The following CLPX variants were observed in gnomAD, a reference collection of about 807,000 sequenced individuals.
CLPX encodes the protein ATP-dependent clpX-like chaperone, mitochondrial.
A neutral mutation model predicts 76.4 loss-of-function variants in CLPX; 34 were observed. The observed-to-expected ratio is 0.45, with a 90% CI of 0.34 to 0.59. The LOEUF is 0.59. Ranked by LOEUF, CLPX falls within the 20% of genes least tolerant of loss-of-function variation. The pLI, the probability that CLPX is intolerant of heterozygous loss-of-function variation, is 0.01. For missense variants in CLPX, 613 were observed against 757.0 expected (o/e 0.81, Z 2.23); for synonymous variants, 248 against 270.9 (o/e 0.92, Z 0.83).
At chr15:65,171,637 T>C (rs921512973) in intron 3 of CLPX, among the ~76,000 whole-genome samples, 2 of 152,228 alleles carry the variant, frequency 1.3e-5, no homozygotes, top group African/African-American at 2.4e-5. Flanking sequence ...AGATAGTTAC[T>C]GCCTTTATAA....
At chr15:65,183,247 G>C (rs187689086) in intron 1 of CLPX, among the ~76,000 whole-genome samples, 1 of 151,844 alleles carries the variant, frequency 6.6e-6, no homozygotes, top group Non-Finnish European at 1.5e-5. Flanking sequence ...CGGATCACAA[G>C]ATCAGGAGAT....
intron 13 of CLPX, among the ~76,000 whole-genome samples, chr15:65,151,753 A>G (rs978071365): frequency 2.6e-4 from 40 of 152,206 alleles, no homozygotes; most frequent in African/African-American, 9.4e-4. Context: ...AACTGCCTCT[A>G]AAGTTATCTT....
intron 13 of CLPX, among the ~76,000 whole-genome samples, chr15:65,151,115 A>G (rs2087713515): frequency 6.6e-6 from 1 of 151,966 alleles, no homozygotes; most frequent in Admixed American, 6.6e-5. Context: ...AAGGCCGAGG[A>G]GGGCTGATCA....
rs2087783601 is a variant in CLPX at position 65,155,862 on chromosome 15, TAAAG to T, written c.1147-10_1147-7del. The T allele has an allele frequency of 6.2e-7, 1 of 1,607,196 alleles. No individual in the cohort carries two copies. Among genetic ancestry groups the T allele is most frequent in the Non-Finnish European group, 8.5e-7 (1 of 1,174,666 alleles). ...TCTAGTAGTTTTAATAAGCCCTAAA[TAAAG>T]AACAAATGATTTATAGCATCACCAT... On this transcript the variant is annotated splice_polypyrimidine_tract_variant and splice_region_variant and intron_variant, in intron 9 of 13. Coordinates refer to ENST00000300107, the MANE Select transcript of CLPX (RefSeq NM_006660.5).
At chr15:65,171,979 T>A (rs921296078) in intron 3 of CLPX, among the ~76,000 whole-genome samples, 1 of 152,198 alleles carries the variant, frequency 6.6e-6, no homozygotes, top group Non-Finnish European at 1.5e-5. Flanking sequence ...AATACAAGCA[T>A]TGCAATGCAC....
At chr15:65,167,360 G>A (rs770353757) in intron 3 of CLPX, among the ~76,000 whole-genome samples, 5 of 151,960 alleles carry the variant, frequency 3.3e-5, no homozygotes, top group Non-Finnish European at 5.9e-5. Context: ...GTGAGCCACC[G>A]CACCCGGCCC....
intron 6 of CLPX, 139 bp from the exon 7 acceptor site, chr15:65,158,890 G>T: frequency 1.6e-6 from 1 of 640,922 alleles, no homozygotes; most frequent in Non-Finnish European, 2.5e-6. Context: ...ACCTACAAAG[G>T]AGAAAAATCT....
intron 8 of CLPX, among the ~76,000 whole-genome samples, chr15:65,157,535 T>G (rs1566979783): frequency 6.6e-6 from 1 of 152,216 alleles, no homozygotes; most frequent in Non-Finnish European, 1.5e-5. Context: ...TAATTTGGCT[T>G]GTTTTGAATC....
In CLPX at chr15:65,164,107, TATA is replaced by T. The variant is rs1378491902; in HGVS notation, c.592_594del (p.Tyr198del). ...GCTGGGATATTATTATATATTCTCT[TATA>T]ATGATTGTACACAGCAACTGAAAGC... On this transcript the variant is annotated inframe_deletion, in exon 5 of 14. Coordinates refer to ENST00000300107, the MANE Select transcript of CLPX (RefSeq NM_006660.5). The T allele has an allele frequency of 2.5e-6, 4 of 1,613,310 alleles. No individual in the cohort carries two copies. The highest frequency in any genetic ancestry group is 3.4e-6 in the Non-Finnish European group (4 of 1,179,620).
chr15:65,155,963 G>A, intron 9 of CLPX, 107 bp from the exon 10 acceptor site: 1 of 898,670 alleles, frequency 1.1e-6, no homozygotes, highest in Non-Finnish European at 1.7e-6. Flanking sequence ...TATAGTCAAT[G>A]CACATACCTA....
At chr15:65,153,234 G>A (rs919305458) in intron 12 of CLPX, among the ~76,000 whole-genome samples, 19 of 151,848 alleles carry the variant, frequency 1.3e-4, no homozygotes, top group Non-Finnish European at 2.5e-4. Flanking sequence ...CAGATCACCT[G>A]AGGTTAGGAG....
intron 3 of CLPX, among the ~76,000 whole-genome samples, chr15:65,168,383 C>CAAAAAAA (rs71136319): frequency 0.54 from 19,279 of 35,588 alleles, 7,473 homozygotes; most frequent in East Asian, 0.69. Flanking sequence ...GACTCTGTCT[C>CAAAAAAA]AAAAAAAAAA....
intron 1 of CLPX, 44 bp downstream of exon 1, chr15:65,185,031 C>CCA (rs1555414572): frequency 4.0e-6 from 6 of 1,505,606 alleles, no homozygotes; most frequent in Non-Finnish European, 5.4e-6. Flanking sequence ...AGTCCACCCC[C>CCA]CCCCCGACAG....
At chr15:65,158,124 C>G (rs546409322) in intron 7 of CLPX, 263 of 432,274 alleles carry the variant, frequency 6.1e-4, no homozygotes, top group Non-Finnish European at 8.1e-4. Context: ...CCTCAATCTC[C>G]TGGGCTTAAG....
chr15:65,158,415 G>T, intron 7 of CLPX, 160 bp downstream of exon 7: 1 of 573,156 alleles, frequency 1.7e-6, no homozygotes, highest in Non-Finnish European at 3.0e-6. Context: ...CTCAAATCCA[G>T]TTTGTATTCT....
At chr15:65,162,725 TC>T in intron 5 of CLPX, 80 bp from the exon 6 acceptor site, 1 of 737,594 alleles carries the variant, frequency 1.4e-6, no homozygotes, top group Non-Finnish European at 2.3e-6. Context: ...CTGTCCTCTT[TC>T]AAATATATTT....
chr15:65,160,623 TCACACACACACACACACA>T (rs375655324), intron 6 of CLPX, among the ~76,000 whole-genome samples: 4 of 100,970 alleles, frequency 4.0e-5, no homozygotes, highest in Non-Finnish European at 4.2e-5. Flanking sequence ...TCTCTCTCTC[TCACACACACACACACACA>T]CACACACACA....
chr15:65,174,595 A>G (rs892256093), intron 3 of CLPX, among the ~76,000 whole-genome samples: 1 of 152,144 alleles, frequency 6.6e-6, no homozygotes, highest in African/African-American at 2.4e-5. Flanking sequence ...ACCACTGAAG[A>G]TGAATTGCAT....
chr15:65,155,393 G>A (rs2087775346), intron 10 of CLPX, among the ~76,000 whole-genome samples: 4 of 152,098 alleles, frequency 2.6e-5, no homozygotes, highest in Admixed American at 2.6e-4. Context: ...GGGATTACAG[G>A]CACCCACCAC....
Sources: gnomAD v4.1 joint callset for allele counts (sites outside exome capture counted in the v4.1 genomes callset) on GRCh38, gnomAD v4.1.1 for gene constraint, MANE v1.5 for transcripts, NCBI Gene and HGNC (gene_info 2026-07-23, HGNC 2026-07-21) for gene names.